SGTA: variants seen among roughly 807,000 people sequenced by gnomAD.
The protein encoded by SGTA is small glutamine rich tetratricopeptide repeat co-chaperone alpha, also known as small glutamine-rich tetratricopeptide repeat-containing protein alpha.
SGTA carries 22 observed loss-of-function variants against 44.3 expected under a neutral mutation model. The ratio of observed to expected loss-of-function variants is 0.50; its 90% CI spans 0.36 to 0.71. The LOEUF (loss-of-function observed/expected upper bound fraction) is 0.71, where lower values mean the gene tolerates loss of function less well. SGTA is among the 30% of genes least tolerant of loss of function. SGTA has a pLI of 0.00. For missense variants in SGTA, 341 were observed against 435.9 expected, an observed-to-expected ratio of 0.78 and a Z score of 1.94; for synonymous variants, 174 against 177.6, an observed-to-expected ratio of 0.98 and a Z score of 0.16.
At chr19:2,779,096 C>T (rs919008988) in intron 1 of SGTA, among the ~76,000 whole-genome samples, 1 of 152,182 alleles carries the variant, frequency 6.6e-6, no homozygotes, top group African/African-American at 2.4e-5. Context: ...CACACATGTC[C>T]CCAGACACTG....
In SGTA at chr19:2,757,331, A is replaced by G; in HGVS notation, c.*6+6T>C. On this transcript the variant is annotated splice_donor_region_variant and intron_variant, in intron 11 of 11. Coordinates refer to ENST00000221566, the MANE Select transcript of SGTA (RefSeq NM_003021.4). ...CACCCCCCAGCCCCCGGCCCCATGC[A>G]CTCACGCAGCGTCACTCCTGCTGGT... 1 of 1,599,914 alleles carries G rather than the reference A, an allele frequency of 6.3e-7. No individual in the cohort carries two copies. The highest frequency in any genetic ancestry group is 1.1e-5 in the South Asian group (1 of 91,026).
chr19:2,755,606 C>A lies in SGTA; in HGVS notation c.*334G>T. ...ATCCGCCACACGGCTGAACGTGAAA[C>A]CTGCCACTTCTCTGAGAGCGGCCCG... On this transcript the variant is annotated 3_prime_UTR_variant, in exon 12 of 12. Transcript: ENST00000221566. The surrounding 1 kb of genome is among the most constrained non-coding windows in gnomAD (Gnocchi z 5.2). The A allele has an allele frequency of 1.0e-6, 1 of 985,212 alleles. No homozygotes were observed. The highest frequency in any genetic ancestry group is 4.7e-5 in the South Asian group (1 of 21,290). 61.0% of individuals were successfully genotyped at this position (985,212 alleles called of 1,614,324 possible). A position where few individuals can be genotyped will look rare whatever the true frequency, so the allele number is the denominator to read the frequency against.
chr19:2,763,890 A>G lies in SGTA; in HGVS notation c.393-133T>C, dbSNP rs1915071399. 6.1e-6 allele frequency: 4 copies of G among 659,546 alleles called. No individual in the cohort carries two copies. The East Asian group carries it at 1.1e-4, about 18-fold the overall frequency. The allele number at this position is 659,546 out of a possible 1,614,324, so 40.9% of individuals were successfully genotyped here. ...CGGCCTCAGTTTTCCCCATCTGTAA[A>G]ATGGGGCTGATGGGGAAAGCTGAGA... On this transcript the variant is annotated intron_variant, in intron 5 of 11. Transcript: ENST00000221566. The surrounding 1 kb of genome is among the most constrained non-coding windows in gnomAD (Gnocchi z 5.8).
rs116242807 is a variant in SGTA, at chr19:2,775,850, A to G, written c.-23-6759T>C. Among the ~76,000 whole-genome samples, 1,272 of 152,286 alleles carry G rather than the reference A, an allele frequency of 8.4e-3. 24 individuals are homozygous for G. Among genetic ancestry groups the G allele is most frequent in the African/African-American group, 0.029 (1,196 of 41,558 alleles). On this transcript the variant is annotated intron_variant, in intron 1 of 11. Coordinates refer to ENST00000221566, the MANE Select transcript of SGTA (RefSeq NM_003021.4). ...CACAGCGGTGTGGGAATCACAGCTC[A>G]ATGTTTTAAAGGGGGAGAAATCTAC...
In SGTA at chr19:2,763,561, G is replaced by T; in HGVS notation, c.497+92C>A. ...AACCGGGGTGGGAGAATTCGTTGTG[G>T]GTGGGAAAAAAGCCACACAAGAGAG... On this transcript the variant is annotated intron_variant, in intron 6 of 11. Transcript: ENST00000221566. This position sits in a 1 kb window ranked among gnomAD's most constrained non-coding sequence, Gnocchi z 5.8. 1 of 841,236 alleles carries T rather than the reference G, an allele frequency of 1.2e-6. No homozygotes were observed. The highest frequency in any genetic ancestry group is 1.9e-6 in the Non-Finnish European group (1 of 536,420). 52.1% of individuals were successfully genotyped at this position (841,236 alleles called of 1,614,324 possible).
rs756918988 is a variant in SGTA at position 2,765,334 on chromosome 19, G to T, written c.293-49C>A. On this transcript the variant is annotated intron_variant, in intron 4 of 11. Coordinates refer to ENST00000221566, the MANE Select transcript of SGTA (RefSeq NM_003021.4). The surrounding 1 kb of genome is among the most constrained non-coding windows in gnomAD (Gnocchi z 5.5). ...GGCCCGGTGTCCACACAGACCGGAGGGGGTGTCAGGGAGAGAGGAAAACAC... is the reference window on the plus strand; with the variant it reads ...GGCCCGGTGTCCACACAGACCGGAGTGGGTGTCAGGGAGAGAGGAAAACAC... 4.4e-6 allele frequency: 6 copies of T among 1,373,500 alleles called. No individual in the cohort carries two copies. The Admixed American group carries it at 5.4e-5, about 12-fold the overall frequency. 85.1% of individuals were successfully genotyped at this position (1,373,500 alleles called of 1,614,324 possible). A position where few individuals can be genotyped will look rare whatever the true frequency, so the allele number is the denominator to read the frequency against.
chr19:2,764,040 G>T (rs950098049), intron 5 of SGTA, among the ~76,000 whole-genome samples: 1 of 152,144 alleles, frequency 6.6e-6, no homozygotes, highest in Non-Finnish European at 1.5e-5. Context: ...GAGCAATGAG[G>T]GTAGGGAACT....
Position 2,765,133 on chromosome 19 carries a change from A to G in SGTA, c.392+53T>C, listed in dbSNP as rs116579752. On this transcript the variant is annotated intron_variant, in intron 5 of 11. Transcript: ENST00000221566. The surrounding 1 kb of genome is among the most constrained non-coding windows in gnomAD (Gnocchi z 5.5). ...CTCAGGTCCCTGCTAAGCATCCCGGAGGACGCCCCCGCACCCGGCCGCCCC... is the reference window on the plus strand; with the variant it reads ...CTCAGGTCCCTGCTAAGCATCCCGGGGGACGCCCCCGCACCCGGCCGCCCC... 3,253 of 1,281,620 alleles carry G rather than the reference A, an allele frequency of 2.5e-3. 67 individuals are homozygous for G. The African/African-American group carries it at 0.043, about 17-fold the overall frequency. The allele number at this position is 1,281,620 out of a possible 1,614,324, so 79.4% of individuals were successfully genotyped here.
At position 2,767,180 on chromosome 19, in the gene SGTA, G is replaced by A. The variant is rs768159677; in HGVS notation, c.248C>T (p.Pro83Leu). ...TGCCTCTGCTGAGTCCTCCTCGGAA[G>A]GCGGGGTTCGCGCGGGGCTCCTCAG... ...QDLRSPARTP[P>L]SEEDSAEAER... Residue 83 changes from proline to leucine, a missense_variant, in exon 4 of 12, where the codon CCT becomes CTT. Pro to Leu is a moderately conservative substitution (Grantham distance 98). Transcript: ENST00000221566. This position sits in a 1 kb window ranked among gnomAD's most constrained non-coding sequence, Gnocchi z 7.3. 39 of 1,612,800 alleles carry A rather than the reference G, an allele frequency of 2.4e-5. No homozygotes were observed. The highest frequency in any genetic ancestry group is 3.1e-5 in the Non-Finnish European group (37 of 1,179,672).
Position 2,762,609 on chromosome 19 carries a change from G to C in SGTA, c.533C>G (p.Ala178Gly). The change falls in exon 7 of 12, where the codon GCC becomes GGC. Residue 178 changes from alanine to glycine, a missense_variant. Transcript: ENST00000221566. The part of the protein sequence containing the change: ...ALSSLNKHVE[A>G]VAYYKKALEL... Reference sequence around the variant, plus strand: ...CAGAGCCTTCTTGTAGTAAGCCACGGCCTCCACGTGCTTGTTGAGGCTGGA... The same window carrying C: ...CAGAGCCTTCTTGTAGTAAGCCACGCCCTCCACGTGCTTGTTGAGGCTGGA... 6.2e-7 allele frequency: 1 copy of C among 1,614,032 alleles called. No individual in the cohort carries two copies. The highest frequency in any genetic ancestry group is 8.5e-7 in the Non-Finnish European group (1 of 1,179,984).
chr19:2,774,786 C>T (rs1915405713), intron 1 of SGTA, among the ~76,000 whole-genome samples: 1 of 152,150 alleles, frequency 6.6e-6, no homozygotes, highest in South Asian at 2.1e-4. Context: ...CCGGCCTCCT[C>T]CAGGAGGCAA....
rs116801015 is a variant in SGTA, at chr19:2,761,043, G to A, written c.699+417C>T. Among the ~76,000 whole-genome samples, 1,265 of 152,332 alleles carry A rather than the reference G, an allele frequency of 8.3e-3. 23 individuals are homozygous for A. The highest frequency in any genetic ancestry group is 0.029 in the African/African-American group (1,193 of 41,578). On this transcript the variant is annotated intron_variant, in intron 8 of 11. Transcript: ENST00000221566. This position sits in a 1 kb window ranked among gnomAD's most constrained non-coding sequence, Gnocchi z 5.7. Reference sequence around the variant, plus strand: ...TCCACCTGCGCCCGGCGCACCCGGCGCTCTGCTTCCCTTGCCTGAACCTTA... The same window carrying A: ...TCCACCTGCGCCCGGCGCACCCGGCACTCTGCTTCCCTTGCCTGAACCTTA...
intron 2 of SGTA, among the ~76,000 whole-genome samples, chr19:2,768,030 G>A (rs537666664): frequency 6.6e-6 from 1 of 152,290 alleles, no homozygotes; most frequent in South Asian, 2.1e-4. Context: ...CACGTCAGGG[G>A]TGAGGTGCCC....
chr19:2,775,866 A>C (rs1369543940), intron 1 of SGTA, among the ~76,000 whole-genome samples: 1 of 152,144 alleles, frequency 6.6e-6, no homozygotes, highest in Non-Finnish European at 1.5e-5. Context: ...TTAAAGGGGG[A>C]GAAATCTACA....
intron 1 of SGTA, 58 bp downstream of exon 1, chr19:2,783,166 GGGGCCCCGT>G (rs1315263446): frequency 6.6e-6 from 1 of 152,242 alleles, no homozygotes; most frequent in Non-Finnish European, 1.5e-5. Flanking sequence ...TACGAGCTTT[GGGGCCCCGT>G]GGGCCCCGAG....
chr19:2,765,153 C>T lies in SGTA; in HGVS notation c.392+33G>A, dbSNP rs371335798. On this transcript the variant is annotated intron_variant, in intron 5 of 11. Transcript: ENST00000221566. The surrounding 1 kb of genome is among the most constrained non-coding windows in gnomAD (Gnocchi z 5.5). Reference sequence around the variant, plus strand: ...CCCGGAGGACGCCCCCGCACCCGGCCGCCCCTGCCCTGGGCAGGCCCTGAG... The same window carrying T: ...CCCGGAGGACGCCCCCGCACCCGGCTGCCCCTGCCCTGGGCAGGCCCTGAG... 5.9e-5 allele frequency: 92 copies of T among 1,550,100 alleles called. No individual in the cohort carries two copies. Among genetic ancestry groups the T allele is most frequent in the Non-Finnish European group, 7.2e-5 (81 of 1,122,358 alleles).
intron 8 of SGTA, 92 bp from the exon 9 acceptor site, chr19:2,759,386 C>G (rs1914920702): frequency 1.6e-6 from 2 of 1,228,468 alleles, no homozygotes; most frequent in Admixed American, 3.5e-5. Flanking sequence ...AGCCTTGGTT[C>G]TGGACTCCAG....
At chr19:2,768,859 C>T in intron 2 of SGTA, 110 bp downstream of exon 2, 2 of 797,502 alleles carry the variant, frequency 2.5e-6, no homozygotes, top group South Asian at 1.5e-5. Context: ...TTAGCTTCCA[C>T]CCCCAAAAAG....
intron 1 of SGTA, among the ~76,000 whole-genome samples, chr19:2,779,953 G>C (rs994166500): frequency 6.6e-6 from 1 of 152,034 alleles, no homozygotes; most frequent in Non-Finnish European, 1.5e-5. Context: ...GCCTGATGTG[G>C]CGGCACACAC....
Sources: gnomAD v4.1 joint callset for allele counts (sites outside exome capture counted in the v4.1 genomes callset) on GRCh38, gnomAD v4.1.1 for gene constraint, Gnocchi (gnomAD v3.1) non-coding constraint, MANE v1.5 for transcripts, NCBI Gene and HGNC (gene_info 2026-07-23, HGNC 2026-07-21) for gene names.